Variants in DPYS observed in about 807,000 individuals in gnomAD.
The protein encoded by DPYS is dihydropyrimidinase.
DPYS carries 39 observed loss-of-function variants against 50.3 expected under a neutral mutation model. That is an observed-to-expected ratio of 0.78 (90% confidence interval 0.60 to 1.01). The LOEUF (loss-of-function observed/expected upper bound fraction) is 1.01. DPYS is among the 50% of genes least tolerant of loss of function. The pLI, the probability that DPYS is intolerant of heterozygous loss-of-function variation, is 0.00. For missense variants in DPYS, 659 were observed against 680.9 expected, an observed-to-expected ratio of 0.97 and a Z score of 0.36; for synonymous variants, 245 against 250.7, an observed-to-expected ratio of 0.98 and a Z score of 0.22.
chr8:104,451,215 A>G, intron 2 of DPYS, 31 bp downstream of exon 2: 1 of 1,613,014 alleles, frequency 6.2e-7, no homozygotes, highest in Non-Finnish European at 8.5e-7. Context: ...CAAGAGGACA[A>G]TGGGAACACA....
chr8:104,444,316 C>G lies in DPYS; in HGVS notation c.725G>C (p.Cys242Ser). 6.2e-7 allele frequency: 1 copy of G among 1,614,246 alleles called. No homozygotes were observed. The highest frequency in any genetic ancestry group is 8.5e-7 in the Non-Finnish European group (1 of 1,180,050). Reference sequence around the variant, plus strand: ...CATCACATGCACAATGTAGAGAGGACAGTTCACAGCGCTGGCTATGGTGAT... The same window carrying G: ...CATCACATGCACAATGTAGAGAGGAGAGTTCACAGCGCTGGCTATGGTGAT... ...RAITIASAVNCPLYIVHVMSK... is the reference protein window; with the variant it reads ...RAITIASAVNSPLYIVHVMSK... Residue 242 changes from cysteine to serine, a missense_variant, in exon 4 of 10, where the codon TGT becomes TCT. Coordinates refer to ENST00000351513, the MANE Select transcript of DPYS (RefSeq NM_001385.3).
intron 6 of DPYS, among the ~76,000 whole-genome samples, chr8:104,424,880 G>A (rs980869642): frequency 2.1e-4 from 31 of 149,254 alleles, no homozygotes; most frequent in African/African-American, 5.7e-4. Flanking sequence ...AGGCTGGAGT[G>A]CAGTGGTGCG....
chr8:104,452,761 A>G (rs184350187), intron 1 of DPYS, among the ~76,000 whole-genome samples: 12 of 152,158 alleles, frequency 7.9e-5, no homozygotes, highest in African/African-American at 2.9e-4. Context: ...GGACCACTTG[A>G]GCCCGGGAGT....
intron 1 of DPYS, among the ~76,000 whole-genome samples, chr8:104,464,620 A>T (rs1814290611): frequency 6.6e-6 from 1 of 152,212 alleles, no homozygotes; most frequent in Admixed American, 6.5e-5. Flanking sequence ...TTGCACTATG[A>T]CTGAAAACTG....
At position 104,441,576 on chromosome 8, in the gene DPYS, T is replaced by C. The variant is rs145681596; in HGVS notation, c.793+2672A>G. Among the ~76,000 whole-genome samples, 1,424 of 152,236 alleles carry C rather than the reference T, an allele frequency of 9.4e-3. 9 individuals carry two copies. The highest frequency in any genetic ancestry group is 0.034 in the Middle Eastern group (10 of 294). Reference sequence around the variant, plus strand: ...TGTGATGTGAGAAGATCTCAACCCATTGTGGCTGGTGCCGAAGATGGAGGA... The same window carrying C: ...TGTGATGTGAGAAGATCTCAACCCACTGTGGCTGGTGCCGAAGATGGAGGA... On this transcript the variant is annotated intron_variant, in intron 4 of 9. Transcript: ENST00000351513.
At chr8:104,429,930 C>A (rs1452944009) in intron 4 of DPYS, among the ~76,000 whole-genome samples, 1 of 152,064 alleles carries the variant, frequency 6.6e-6, no homozygotes, top group Admixed American at 6.6e-5. Context: ...TATTTTAGAT[C>A]CATTTTTATG....
intron 7 of DPYS, among the ~76,000 whole-genome samples, chr8:104,407,170 A>G (rs1812024450): frequency 6.6e-6 from 1 of 152,228 alleles, no homozygotes; most frequent in African/African-American, 2.4e-5. Flanking sequence ...CTATGGAAGC[A>G]GAGTTTTTTC....
chr8:104,466,494 C>CT (rs1814399064), intron 1 of DPYS, among the ~76,000 whole-genome samples, 163 bp downstream of exon 1: 1 of 152,158 alleles, frequency 6.6e-6, no homozygotes, highest in African/African-American at 2.4e-5. Context: ...CGAAGAGAAT[C>CT]TGAGTCCCCT....
At chr8:104,416,696 G>A (rs1474225358) in intron 7 of DPYS, among the ~76,000 whole-genome samples, 1 of 152,154 alleles carries the variant, frequency 6.6e-6, no homozygotes, top group Non-Finnish European at 1.5e-5. Context: ...CTTTGAGGAA[G>A]AGGAGGAGGA....
At chr8:104,409,094 C>T (rs962460447) in intron 7 of DPYS, among the ~76,000 whole-genome samples, 2 of 151,768 alleles carry the variant, frequency 1.3e-5, no homozygotes, top group East Asian at 2.0e-4. Context: ...CTGTGCCCGG[C>T]CACACATGTT....
chr8:104,389,112 AG>A (rs1312688870), intron 8 of DPYS, among the ~76,000 whole-genome samples: 1 of 152,258 alleles, frequency 6.6e-6, no homozygotes, highest in African/African-American at 2.4e-5. Context: ...AGCTGAGTTC[AG>A]GGACTGACAA....
At chr8:104,396,847 T>C (rs1588406308) in intron 7 of DPYS, among the ~76,000 whole-genome samples, 1 of 151,522 alleles carries the variant, frequency 6.6e-6, no homozygotes, top group Non-Finnish European at 1.5e-5. Context: ...AAAAGGTCAT[T>C]ATGTTGACTT....
At chr8:104,410,921 C>T (rs943994371) in intron 7 of DPYS, among the ~76,000 whole-genome samples, 1 of 152,050 alleles carries the variant, frequency 6.6e-6, no homozygotes, top group Non-Finnish European at 1.5e-5. Context: ...TGTCCAGAGC[C>T]ACCTCCAAGG....
In DPYS at chr8:104,466,789, GC is replaced by G. The variant is rs1412966235; in HGVS notation, c.131del (p.Gly44AlafsTer54). On this transcript the variant is annotated frameshift_variant, in exon 1 of 10. Transcript: ENST00000351513. LOFTEE classifies it high-confidence loss of function. ...ALGHDLLPPG[G>X]APAGLRVLDA... The stretch of plus-strand genomic sequence containing the variant: ...CGAGGACCCGCAGCCCCGCAGGAGC[GC>G]CCCCGGGAGGCAGCAGGTCGTGCCC... 3.3e-6 allele frequency: 5 copies of G among 1,533,808 alleles called. No homozygotes were observed. Among genetic ancestry groups the G allele is most frequent in the East Asian group, 2.5e-5 (1 of 40,714 alleles).
At chr8:104,442,510 T>C (rs553140699) in intron 4 of DPYS, among the ~76,000 whole-genome samples, 1 of 152,338 alleles carries the variant, frequency 6.6e-6, no homozygotes, top group Non-Finnish European at 1.5e-5. Context: ...CAGCACCATC[T>C]GGTGGGAAAA....
At chr8:104,387,894 A>G (rs1588396798) in intron 8 of DPYS, among the ~76,000 whole-genome samples, 1 of 152,154 alleles carries the variant, frequency 6.6e-6, no homozygotes, top group Non-Finnish European at 1.5e-5. Flanking sequence ...AACTTAAAGC[A>G]CCTGCCTATT....
intron 7 of DPYS, among the ~76,000 whole-genome samples, chr8:104,412,034 C>G (rs546724490): frequency 6.6e-6 from 1 of 152,232 alleles, no homozygotes; most frequent in Non-Finnish European, 1.5e-5. Context: ...CTCTGACTCT[C>G]CTTCCCATGT....
At chr8:104,413,746 A>G (rs1250477166) in intron 7 of DPYS, among the ~76,000 whole-genome samples, 3 of 152,222 alleles carry the variant, frequency 2.0e-5, no homozygotes, top group Admixed American at 2.0e-4. Flanking sequence ...TTCAAGGAAA[A>G]TGTTATTTTA....
chr8:104,441,773 A>G (rs964700689), intron 4 of DPYS, among the ~76,000 whole-genome samples: 7 of 152,244 alleles, frequency 4.6e-5, no homozygotes, highest in Non-Finnish European at 5.9e-5. Flanking sequence ...GCGTAAGGCC[A>G]TCACTGTGGT....
Sources: allele counts gnomAD v4.1 joint callset (sites outside exome capture counted in the v4.1 genomes callset), GRCh38; gene constraint gnomAD v4.1.1; transcripts MANE v1.5; gene names NCBI Gene and HGNC (gene_info 2026-07-23, HGNC 2026-07-21).